Variants in MBD1 observed in about 807,000 individuals in gnomAD.
MBD1 encodes methyl-CpG-binding domain protein 1.
MBD1 carries 25 observed loss-of-function variants against 82.6 expected under a neutral mutation model. The ratio of observed to expected loss-of-function variants is 0.30; its 90% CI spans 0.22 to 0.42. The LOEUF is 0.42. MBD1 is among the 10% of genes least tolerant of loss of function. The probability of loss-of-function intolerance (pLI) is 1.00; values close to 1 mark genes in which losing one functional copy is unlikely to be tolerated. For missense variants in MBD1, 627 were observed against 819.6 expected, an observed-to-expected ratio of 0.76 and a Z score of 2.87; for synonymous variants, 301 against 303.7, an observed-to-expected ratio of 0.99 and a Z score of 0.09.
chr18:50,276,134 A>G, intron 6 of MBD1, 153 bp from the exon 7 acceptor site: 1 of 1,008,770 alleles, frequency 9.9e-7, no homozygotes, highest in Non-Finnish European at 1.5e-6. Flanking sequence ...AGTCACCATC[A>G]CTGAGGCCAT....
At position 50,273,315 on chromosome 18, in the gene MBD1, C is replaced by T. The variant is rs1194690819; in HGVS notation, c.1584+19G>A. The T allele has an allele frequency of 1.2e-6, 2 of 1,613,688 alleles. No individual in the cohort carries two copies. The highest frequency in any genetic ancestry group is 1.3e-5 in the African/African-American group (1 of 74,930). On this transcript the variant is annotated intron_variant, in intron 13 of 16. Transcript: ENST00000269468. Reference sequence around the variant, plus strand: ...CCACTCCGCTACGGCACCAACAGAACATCCATCACTGCCCCCACCTTGCTA... The same window carrying T: ...CCACTCCGCTACGGCACCAACAGAATATCCATCACTGCCCCCACCTTGCTA...
At chr18:50,272,085 G>T (rs1451932077) in intron 15 of MBD1, among the ~76,000 whole-genome samples, 5 of 152,154 alleles carry the variant, frequency 3.3e-5, no homozygotes, top group Admixed American at 3.3e-4. Flanking sequence ...ATAGGCTCAG[G>T]AAAGGCTCAA....
chr18:50,275,354 G>T (rs753808608), intron 8 of MBD1, 109 bp from the exon 9 acceptor site: 1 of 1,612,192 alleles, frequency 6.2e-7, no homozygotes, highest in South Asian at 1.1e-5. Flanking sequence ...GACAGAGGGT[G>T]GCGTGAGGCA....
rs1219174929 is a variant in MBD1, at chr18:50,281,456, T to TTCC, written c.-122_-120dup. The TTCC allele has an allele frequency of 3.4e-6, 2 of 589,786 alleles. No homozygotes were observed. Among genetic ancestry groups the TTCC allele is most frequent in the African/African-American group, 1.9e-5 (1 of 53,462 alleles). The allele number at this position is 589,786 out of a possible 1,614,324, so 36.5% of individuals were successfully genotyped here. A position where few individuals can be genotyped will look rare whatever the true frequency, so the allele number is the denominator to read the frequency against. On this transcript the variant is annotated 5_prime_UTR_variant, in exon 1 of 17. Transcript: ENST00000269468. ...CACCTCCCGCCTCGCCCTCCTCCCC[T>TTCC]TCCTCCTCCTCCGCGGCCGCCTCCT...
At chr18:50,281,069 TTC>T (rs2040070207) in intron 1 of MBD1, 1 of 1,246,134 alleles carries the variant, frequency 8.0e-7, no homozygotes, top group Non-Finnish European at 1.1e-6. Context: ...GAACCCCCAT[TTC>T]TCTCTCAACT....
Position 50,271,466 on chromosome 18 carries a change from C to G in MBD1, c.*32+3G>C. The G allele has an allele frequency of 6.2e-7, 1 of 1,614,144 alleles. No homozygotes were observed. Among genetic ancestry groups the G allele is most frequent in the Non-Finnish European group, 8.5e-7 (1 of 1,180,024 alleles). ...TCTCATAAAGCCAGTCTGCAAATAT[C>G]ACCTTGAATCCTACAGTCTGTAGAA... On this transcript the variant is annotated splice_donor_region_variant and intron_variant, in intron 16 of 16. Transcript: ENST00000269468.
intron 6 of MBD1, 88 bp downstream of exon 6, chr18:50,276,290 G>A (rs1432032024): frequency 5.2e-6 from 7 of 1,342,046 alleles, no homozygotes; most frequent in Middle Eastern, 4.1e-4. Context: ...TCATCCTGTG[G>A]ACCCATCATC....
At position 50,269,333 on chromosome 18, in the gene MBD1, TA is replaced by T; in HGVS notation, c.*517del. 1 of 1,303,860 alleles carries T rather than the reference TA, an allele frequency of 7.7e-7. No individual in the cohort carries two copies. The highest frequency in any genetic ancestry group is 9.8e-7 in the Non-Finnish European group (1 of 1,016,902). The allele number at this position is 1,303,860 out of a possible 1,614,324, so 80.8% of individuals were successfully genotyped here. On this transcript the variant is annotated 3_prime_UTR_variant, in exon 17 of 17. Transcript: ENST00000269468. ...GCGGATTCATGGTAGGGTGGCTTTG[TA>T]ATGTGTCACCTTGGTGAGGCTATGT...
intron 1 of MBD1, 91 bp downstream of exon 1, chr18:50,281,272 C>T (rs2040178569): frequency 6.7e-7 from 1 of 1,482,526 alleles, no homozygotes; most frequent in Non-Finnish European, 9.1e-7. Context: ...GCCTGAGGGC[C>T]CTTCATTCCT....
intron 1 of MBD1, chr18:50,281,067 A>C (rs1201228194): frequency 4.9e-5 from 61 of 1,243,624 alleles, no homozygotes; most frequent in Non-Finnish European, 5.5e-5. Flanking sequence ...CTGAACCCCC[A>C]TTTCTCTCTC....
chr18:50,270,495 CAG>C, intron 16 of MBD1: 4 of 364,986 alleles, frequency 1.1e-5, no homozygotes, highest in South Asian at 8.2e-5. Flanking sequence ...AAGGTGATCA[CAG>C]GGCAGGAGAT....
In MBD1 at chr18:50,276,701, G is replaced by C. The variant is rs750392624; in HGVS notation, c.436C>G (p.Gln146Glu). ...CACAACGTTTTGAGCCGCTGCCTTT[G>C]GGTGCCATCCCCTGAGAAGCTGATT... ...CGISFSGDGTQRQRLKTLCKD... is the reference protein window; with the variant it reads ...CGISFSGDGTERQRLKTLCKD... The change falls in exon 5 of 17, where the codon CAA (glutamine) becomes GAA (glutamate). Residue 146 changes from glutamine (Q) to glutamate (E), a missense_variant. By Grantham distance (29) the Gln-to-Glu change is conservative. This residue lies in a region of MBD1 where 228 missense variants were observed against 318.1 expected (regional missense o/e 0.72). Transcript: ENST00000269468. The C allele has an allele frequency of 5.6e-6, 9 of 1,614,178 alleles. No homozygotes were observed. Among genetic ancestry groups the C allele is most frequent in the Non-Finnish European group, 7.6e-6 (9 of 1,180,044 alleles).
chr18:50,269,380 T>A lies in MBD1; in HGVS notation c.*471A>T. The A allele has an allele frequency of 8.1e-7, 1 of 1,229,552 alleles. No individual in the cohort carries two copies. The highest frequency in any genetic ancestry group is 1.1e-6 in the Non-Finnish European group (1 of 924,068). 76.2% of individuals were successfully genotyped at this position (1,229,552 alleles called of 1,614,324 possible). On this transcript the variant is annotated 3_prime_UTR_variant, in exon 17 of 17. Transcript: ENST00000269468. Reference sequence around the variant, plus strand: ...TATGTTTCCCGGAACTCTCTTCCAGTAAGATGGGCCACAAGAGACATTTTG... The same window carrying A: ...TATGTTTCCCGGAACTCTCTTCCAGAAAGATGGGCCACAAGAGACATTTTG...
chr18:50,274,416 A>G (rs1016837096), intron 10 of MBD1, 63 bp from the exon 11 acceptor site: 5 of 1,551,190 alleles, frequency 3.2e-6, no homozygotes, highest in Non-Finnish European at 2.6e-6. Context: ...CTCAACGCCT[A>G]TTCCAGTGCT....
intron 16 of MBD1, chr18:50,270,042 T>A: frequency 6.3e-7 from 1 of 1,598,050 alleles, no homozygotes; most frequent in Non-Finnish European, 8.5e-7. Context: ...TTCATATAGA[T>A]CATTGTCAAA....
rs1325121894 is a variant in MBD1 at position 50,270,393 on chromosome 18, A to AG, written c.*33-576dup. On this transcript the variant is annotated intron_variant, in intron 16 of 16. Transcript: ENST00000269468. ...ATGAAGAATTGGGAGAGAGTGAGGT[A>AG]GGGCTGAGCCAAGACTGGCTCTTGG... 38 of 521,174 alleles carry AG rather than the reference A, an allele frequency of 7.3e-5. 1 individual carries two copies. In the Admixed American group the frequency reaches 8.6e-4, roughly 12 times the overall value. The allele number at this position is 521,174 out of a possible 1,614,324, so 32.3% of individuals were successfully genotyped here. A position where few individuals can be genotyped will look rare whatever the true frequency, so the allele number is the denominator to read the frequency against.
intron 10 of MBD1, among the ~76,000 whole-genome samples, 160 bp downstream of exon 10, chr18:50,274,817 G>A (rs981924279): frequency 2.6e-5 from 4 of 152,184 alleles, no homozygotes; most frequent in Admixed American, 2.6e-4. Context: ...TCATGCACCT[G>A]CTGACCCCGT....
In MBD1 at chr18:50,271,488, A is replaced by T; in HGVS notation, c.*13T>A. ...TATCACCTTGAATCCTACAGTCTGT[A>T]GAAGCCTCCAGTCTACTGCTTTCTA... is the stretch of plus-strand genomic sequence containing the variant. On this transcript the variant is annotated 3_prime_UTR_variant, in exon 16 of 17. Coordinates refer to ENST00000269468, the MANE Select transcript of MBD1 (RefSeq NM_015846.4). 1 of 1,614,190 alleles carries T rather than the reference A, an allele frequency of 6.2e-7. No homozygotes were observed. The highest frequency in any genetic ancestry group is 8.5e-7 in the Non-Finnish European group (1 of 1,180,032).
Position 50,280,114 on chromosome 18 carries a change from G to A in MBD1, c.-25-97C>T. ...AAATCACTGGTATCCATTAGTGCTT[G>A]CCCAAGCCCTAGGACCTGCCACAGG... is the stretch of plus-strand genomic sequence containing the variant. On this transcript the variant is annotated intron_variant, in intron 1 of 16. Coordinates refer to ENST00000269468, the MANE Select transcript of MBD1 (RefSeq NM_015846.4). The A allele has an allele frequency of 2.3e-6, 3 of 1,282,406 alleles. No homozygotes were observed. The South Asian group carries it at 4.0e-5, about 17-fold the overall frequency. The allele number at this position is 1,282,406 out of a possible 1,614,324, so 79.4% of individuals were successfully genotyped here.
Sources: allele counts gnomAD v4.1 joint callset (sites outside exome capture counted in the v4.1 genomes callset), GRCh38; gene constraint gnomAD v4.1.1; regional missense constraint gnomAD v4.1.1; transcripts MANE v1.5; gene names NCBI Gene and HGNC (gene_info 2026-07-23, HGNC 2026-07-21).